MAST4: variants seen among roughly 807,000 people sequenced by gnomAD.
MAST4 encodes the protein microtubule-associated serine/threonine-protein kinase 4.
MAST4 carries 89 observed loss-of-function variants against 162.7 expected under a neutral mutation model. The observed-to-expected ratio is 0.55, with a 90% CI of 0.46 to 0.65. The LOEUF (loss-of-function observed/expected upper bound fraction) is 0.65, where lower values mean the gene tolerates loss of function less well. Ranked by LOEUF, MAST4 falls within the 30% of genes least tolerant of loss-of-function variation. The probability of loss-of-function intolerance (pLI) is 0.00; values close to 1 mark genes in which losing one functional copy is unlikely to be tolerated. For synonymous variants in MAST4, 1,479 were observed against 1,361.1 expected (o/e 1.09, Z -1.91); for missense variants, 3,153 against 3,374.0 (o/e 0.93, Z 1.62).
At chr5:66,648,532 A>G (rs1022956941) in intron 1 of MAST4, among the ~76,000 whole-genome samples, 31 of 151,912 alleles carry the variant, frequency 2.0e-4, no homozygotes, top group Admixed American at 5.9e-4. Context: ...CTTAAATGAG[A>G]TTATTCTGTT....
chr5:67,035,031 G>A (rs1405015707), intron 4 of MAST4, among the ~76,000 whole-genome samples: 2 of 151,822 alleles, frequency 1.3e-5, no homozygotes, highest in Middle Eastern at 3.4e-3. Context: ...CTCAAGTTGT[G>A]TTTTTTTTCA....
chr5:66,597,587 G>A (rs1181305722), intron 1 of MAST4, among the ~76,000 whole-genome samples: 1 of 152,198 alleles, frequency 6.6e-6, no homozygotes, highest in Non-Finnish European at 1.5e-5. Context: ...AGGACTCCCC[G>A]CGCTCCCTCG....
chr5:66,861,634 C>T (rs1240925118), intron 3 of MAST4, among the ~76,000 whole-genome samples: 4 of 152,218 alleles, frequency 2.6e-5, no homozygotes, highest in African/African-American at 9.6e-5. Flanking sequence ...TTTACATTCT[C>T]CTGGTAAAAG....
At chr5:66,999,178 G>A (rs1751003036) in intron 4 of MAST4, among the ~76,000 whole-genome samples, 1 of 152,158 alleles carries the variant, frequency 6.6e-6, no homozygotes, top group African/African-American at 2.4e-5. Context: ...TCCCTGTAAG[G>A]ATGCCATGTG....
chr5:66,878,275 A>G (rs1225817881), intron 3 of MAST4, among the ~76,000 whole-genome samples: 2 of 152,252 alleles, frequency 1.3e-5, no homozygotes, highest in Admixed American at 6.5e-5. Flanking sequence ...CACGTTTGCC[A>G]GTTTGCAGGA....
intron 5 of MAST4, among the ~76,000 whole-genome samples, chr5:67,085,263 G>C (rs146871540): frequency 6.6e-6 from 1 of 151,940 alleles, no homozygotes; most frequent in Non-Finnish European, 1.5e-5. Context: ...CGTTGGCTCC[G>C]CTGCCAAAAC....
Position 67,162,661 on chromosome 5 carries a change from C to G in MAST4, c.3840C>G (p.Thr1280=). 1 of 1,613,866 alleles carries G rather than the reference C, an allele frequency of 6.2e-7. No individual in the cohort carries two copies. Among genetic ancestry groups the G allele is most frequent in the South Asian group, 1.1e-5 (1 of 91,072 alleles). The part of the protein sequence containing the change: ...LAKQPSPLLH[T]SRSFSCLNRS... ...AGCAGCCTTCTCCTTTACTCCACAC[C>G]AGCCGAAGTTTCTCCTGCTTGAACA... Residue 1280 remains threonine, a synonymous_variant, in exon 28 of 29, where the codon ACC becomes ACG. Coordinates refer to ENST00000403625, the MANE Select transcript of MAST4 (RefSeq NM_001164664.2).
chr5:67,082,474 G>A (rs1244622961), intron 5 of MAST4, among the ~76,000 whole-genome samples: 5 of 152,112 alleles, frequency 3.3e-5, no homozygotes, highest in African/African-American at 7.2e-5. Flanking sequence ...TAAGGCAGAG[G>A]TACAACTGAG....
chr5:66,632,655 T>G (rs1439975671), intron 1 of MAST4, among the ~76,000 whole-genome samples: 1 of 152,184 alleles, frequency 6.6e-6, no homozygotes, highest in Non-Finnish European at 1.5e-5. Context: ...GTGAGCTCTC[T>G]CTGTGTGTAT....
At chr5:66,958,715 C>A (rs1745616741) in intron 4 of MAST4, among the ~76,000 whole-genome samples, 1 of 152,136 alleles carries the variant, frequency 6.6e-6, no homozygotes, top group Non-Finnish European at 1.5e-5. Flanking sequence ...TCATTTATTT[C>A]TTGGGGACTA....
rs1356836413 is a variant in MAST4, at chr5:66,837,882, ATATATATATATATTTTTTTTT to A, written c.642+49090_642+49110del. On this transcript the variant is annotated intron_variant, in intron 3 of 28. Coordinates refer to ENST00000403625, the MANE Select transcript of MAST4 (RefSeq NM_001164664.2). ...CTTGATTTTATATATATATATATATATATATATATATATTTTTTTTTTTTTTTTTTTTTTTAATGTGGAGGT... is the reference window on the plus strand; with the variant it reads ...CTTGATTTTATATATATATATATATATTTTTTTTTTTTTTAATGTGGAGGT... 1.1e-3 allele frequency among the ~76,000 whole-genome samples: 70 copies of A among 61,882 alleles called. 3 individuals carry two copies. Among genetic ancestry groups the A allele is most frequent in the South Asian group, 8.6e-3 (12 of 1,394 alleles). 40.6% of individuals were successfully genotyped at this position (61,882 alleles called of 152,430 possible).
chr5:66,756,694 G>T (rs1268920265), intron 1 of MAST4, among the ~76,000 whole-genome samples: 1 of 152,196 alleles, frequency 6.6e-6, no homozygotes, highest in Non-Finnish European at 1.5e-5. Flanking sequence ...GGCTGCAGTG[G>T]ACCGTTTTGA....
intron 2 of MAST4, among the ~76,000 whole-genome samples, chr5:66,776,221 C>T (rs1278554451): frequency 6.6e-6 from 1 of 152,050 alleles, no homozygotes; most frequent in East Asian, 1.9e-4. Flanking sequence ...ACTACTGGTC[C>T]CCAACTCCTT....
intron 4 of MAST4, among the ~76,000 whole-genome samples, chr5:66,940,671 T>G (rs1743261924): frequency 6.6e-6 from 1 of 152,186 alleles, no homozygotes; most frequent in South Asian, 2.1e-4. Flanking sequence ...GTTCCTTTTT[T>G]CATTGAAGTC....
Position 67,163,801 on chromosome 5 carries a change from C to T in MAST4, c.4622C>T (p.Ala1541Val), listed in dbSNP as rs776060169. The T allele has an allele frequency of 1.3e-5, 21 of 1,612,128 alleles. No individual in the cohort carries two copies. The highest frequency in any genetic ancestry group is 1.7e-5 in the Non-Finnish European group (20 of 1,179,116). Residue 1541 changes from alanine (A) to valine (V), a missense_variant, in exon 29 of 29, where the codon GCA becomes GTA. Ala to Val is a moderately conservative substitution (Grantham distance 64). Transcript: ENST00000403625. The surrounding 1 kb of genome is among the most constrained non-coding windows in gnomAD (Gnocchi z 7.0). ...AAGGCCAAGGTGGTGGTGAAGAAAG[C>T]AGACGGCTTCCCAGAGAAACAGGAA... is the stretch of plus-strand genomic sequence containing the variant. ...KLKAKVVVKK[A>V]DGFPEKQESH...
intron 1 of MAST4, chr5:66,622,766 G>A (rs1744160332): frequency 6.6e-6 from 1 of 152,234 alleles, no homozygotes; most frequent in South Asian, 2.1e-4. Flanking sequence ...TGAACTCAAA[G>A]GGTAGAGTGC....
At chr5:67,025,293 A>G (rs190855133) in intron 4 of MAST4, among the ~76,000 whole-genome samples, 16 of 152,268 alleles carry the variant, frequency 1.1e-4, no homozygotes, top group Admixed American at 9.8e-4. Context: ...TCTAGTAACT[A>G]CCGTAACTTT....
intron 14 of MAST4, among the ~76,000 whole-genome samples, chr5:67,125,202 T>C (rs1190157664): frequency 6.6e-6 from 1 of 152,094 alleles, no homozygotes; most frequent in Non-Finnish European, 1.5e-5. Flanking sequence ...ATTCTAACTT[T>C]CATTTTAAAA....
intron 4 of MAST4, among the ~76,000 whole-genome samples, chr5:67,053,146 A>C (rs1210350886): frequency 6.6e-6 from 1 of 152,210 alleles, no homozygotes; most frequent in Admixed American, 6.5e-5. Context: ...TGATTGCTGC[A>C]CTAAGGAAAA....
Sources: allele counts gnomAD v4.1 joint callset (sites outside exome capture counted in the v4.1 genomes callset), GRCh38; gene constraint gnomAD v4.1.1; non-coding constraint Gnocchi (gnomAD v3.1); transcripts MANE v1.5; gene names NCBI Gene and HGNC (gene_info 2026-07-23, HGNC 2026-07-21).